VPS13B: variants seen among roughly 807,000 people sequenced by gnomAD.
The protein encoded by VPS13B is vacuolar protein sorting 13 homolog B.
VPS13B carries 285 observed loss-of-function variants against 426.4 expected under a neutral mutation model. The observed-to-expected ratio is 0.67, with a 90% CI of 0.61 to 0.74. The LOEUF (loss-of-function observed/expected upper bound fraction) is 0.74, where lower values mean the gene tolerates loss of function less well. VPS13B is among the 30% of genes least tolerant of loss of function. VPS13B has a pLI of 0.00. For missense variants in VPS13B, 4,537 were observed against 4,782.6 expected (o/e 0.95, Z 1.51); for synonymous variants, 1,676 against 1,676.4 (o/e 1.00, Z 0.01).
intron 17 of VPS13B, chr8:99,234,134 C>T (rs961445430): frequency 2.2e-5 from 17 of 785,230 alleles, no homozygotes; most frequent in African/African-American, 1.4e-4. Context: ...ACCCTGGGCT[C>T]GCTGAGGGGG....
At chr8:99,529,148 A>G (rs1822796852) in intron 30 of VPS13B, among the ~76,000 whole-genome samples, 1 of 152,176 alleles carries the variant, frequency 6.6e-6, no homozygotes, top group Admixed American at 6.5e-5. Flanking sequence ...TTAAAAAATC[A>G]ACACCAAAGT....
At chr8:99,035,972 C>T (rs1244798111) in intron 2 of VPS13B, among the ~76,000 whole-genome samples, 2 of 151,792 alleles carry the variant, frequency 1.3e-5, no homozygotes, top group Non-Finnish European at 2.9e-5. Flanking sequence ...GGCTTCAATT[C>T]CTTTGTCCAT....
At position 99,877,222 on chromosome 8, in the gene VPS13B, A is replaced by C. The variant is rs1817735941; in HGVS notation, c.*1556A>C. The C allele has an allele frequency of 6.6e-6, 1 of 152,506 alleles. No individual in the cohort carries two copies. The highest frequency in any genetic ancestry group is 2.1e-4 in the South Asian group (1 of 4,836). 9.4% of individuals were successfully genotyped at this position (152,506 alleles called of 1,614,324 possible). A position where few individuals can be genotyped will look rare whatever the true frequency, so the allele number is the denominator to read the frequency against. ...AAGTCACTATATAATTGTTACTGGA[A>C]AGCAAGACTTAACGAACAATTCTGA... On this transcript the variant is annotated 3_prime_UTR_variant, in exon 62 of 62. Transcript: ENST00000357162.
At chr8:99,298,887 G>C (rs1820186739) in intron 19 of VPS13B, among the ~76,000 whole-genome samples, 1 of 152,168 alleles carries the variant, frequency 6.6e-6, no homozygotes, top group African/African-American at 2.4e-5. Flanking sequence ...GGAATATGAA[G>C]AGCTAGCACA....
rs1181584239 is a variant in VPS13B at position 99,662,613 on chromosome 8, G to GT, written c.6046+1130dup. On this transcript the variant is annotated intron_variant, in intron 35 of 61. Transcript: ENST00000357162. ...AGGTGTGTGCCACCACGCCCAACTA[G>GT]TTTTTTTTATTTTTAGTAGAGATGA... 5.3e-5 allele frequency among the ~76,000 whole-genome samples: 8 copies of GT among 151,686 alleles called. No homozygotes were observed. The East Asian group carries it at 1.2e-3, about 22-fold the overall frequency.
intron 30 of VPS13B, among the ~76,000 whole-genome samples, chr8:99,540,261 A>G (rs1241572288): frequency 6.7e-6 from 1 of 149,600 alleles, no homozygotes; most frequent in Non-Finnish European, 1.5e-5. Flanking sequence ...TTGTATTTTT[A>G]GTAGAGATGG....
chr8:99,534,767 T>C (rs1011401620), intron 30 of VPS13B, among the ~76,000 whole-genome samples: 2 of 152,164 alleles, frequency 1.3e-5, no homozygotes, highest in African/African-American at 4.8e-5. Context: ...CTGTCTTAAG[T>C]GTCTGATGTA....
At chr8:99,389,016 G>A (rs1278916402) in intron 20 of VPS13B, among the ~76,000 whole-genome samples, 1 of 152,142 alleles carries the variant, frequency 6.6e-6, no homozygotes, top group Non-Finnish European at 1.5e-5. Context: ...GGGCGCAGTG[G>A]CAGGTGCCTG....
chr8:99,721,126 ATACT>A (rs933284411), intron 39 of VPS13B, 79 bp downstream of exon 39: 6 of 1,435,108 alleles, frequency 4.2e-6, no homozygotes, highest in Admixed American at 3.3e-5. Flanking sequence ...TGTTTGGAAC[ATACT>A]TACTTCTTAC....
chr8:99,039,645 A>G (rs1357548361), intron 3 of VPS13B, among the ~76,000 whole-genome samples: 1 of 151,942 alleles, frequency 6.6e-6, no homozygotes, highest in East Asian at 1.9e-4. Flanking sequence ...AAATGACTTC[A>G]TATGAATCTG....
At chr8:99,187,044 A>G (rs1813256842) in intron 16 of VPS13B, among the ~76,000 whole-genome samples, 1 of 152,206 alleles carries the variant, frequency 6.6e-6, no homozygotes, top group Non-Finnish European at 1.5e-5. Context: ...TTGCCATACA[A>G]ATACTTACTG....
intron 3 of VPS13B, among the ~76,000 whole-genome samples, chr8:99,082,470 C>T (rs370849181): frequency 6.6e-6 from 1 of 152,084 alleles, no homozygotes; most frequent in South Asian, 2.1e-4. Flanking sequence ...AGTTTAATTA[C>T]ATCCCATTTG....
At chr8:99,776,406 A>C (rs1053371293) in intron 40 of VPS13B, among the ~76,000 whole-genome samples, 2 of 152,150 alleles carry the variant, frequency 1.3e-5, no homozygotes, top group African/African-American at 4.8e-5. Flanking sequence ...GTGCTTAAGC[A>C]ATTCTCCCAC....
chr8:99,148,051 T>A, intron 14 of VPS13B, 41 bp downstream of exon 14: 1 of 1,574,890 alleles, frequency 6.3e-7, no homozygotes, highest in Non-Finnish European at 8.6e-7. Flanking sequence ...CCCTCATATA[T>A]GGATTTTTTT....
At chr8:99,469,267 C>A (rs1216343956) in intron 24 of VPS13B, among the ~76,000 whole-genome samples, 2 of 150,110 alleles carry the variant, frequency 1.3e-5, no homozygotes, top group East Asian at 2.0e-4. Context: ...CTCCTAGGTT[C>A]AAGCAGTCAT....
chr8:99,343,651 A>G (rs774387825), intron 19 of VPS13B, among the ~76,000 whole-genome samples: 16 of 152,228 alleles, frequency 1.1e-4, no homozygotes, highest in Non-Finnish European at 2.1e-4. Context: ...CTAATAACAA[A>G]CTATCCGAAA....
At chr8:99,556,791 T>C (rs1824596598) in intron 31 of VPS13B, 138 bp downstream of exon 31, 1 of 967,140 alleles carries the variant, frequency 1.0e-6, no homozygotes. Flanking sequence ...ATAAAAAATA[T>C]TTTGTAATTG....
rs1417874262 is a variant in VPS13B at position 99,875,847 on chromosome 8, C to T, written c.*181C>T. 20 of 720,390 alleles carry T rather than the reference C, an allele frequency of 2.8e-5. No individual in the cohort carries two copies. Among genetic ancestry groups the T allele is most frequent in the Admixed American group, 5.7e-5 (2 of 35,340 alleles). The allele number at this position is 720,390 out of a possible 1,614,324, so 44.6% of individuals were successfully genotyped here. Reference sequence around the variant, plus strand: ...CACCATAAAGGGCTGCATTTTGCCACCATAAAGGGCTGCATTTTTTTAAAA... The same window carrying T: ...CACCATAAAGGGCTGCATTTTGCCATCATAAAGGGCTGCATTTTTTTAAAA... On this transcript the variant is annotated 3_prime_UTR_variant, in exon 62 of 62. Coordinates refer to ENST00000357162, the MANE Select transcript of VPS13B (RefSeq NM_152564.5).
chr8:99,487,590 G>A lies in VPS13B; in HGVS notation c.3870+5788G>A, dbSNP rs189198395. 9.2e-5 allele frequency among the ~76,000 whole-genome samples: 14 copies of A among 152,052 alleles called. No homozygotes were observed. The East Asian group carries it at 1.7e-3, about 19-fold the overall frequency. Reference sequence around the variant, plus strand: ...CCCAGACAGAATCTCTATCCCCATCGAACAACTCTATCTTCTCCTCTCCCT... The same window carrying A: ...CCCAGACAGAATCTCTATCCCCATCAAACAACTCTATCTTCTCCTCTCCCT... On this transcript the variant is annotated intron_variant, in intron 25 of 61. Coordinates refer to ENST00000357162, the MANE Select transcript of VPS13B (RefSeq NM_152564.5).
Sources: allele counts gnomAD v4.1 joint callset (sites outside exome capture counted in the v4.1 genomes callset), GRCh38; gene constraint gnomAD v4.1.1; transcripts MANE v1.5; gene names NCBI Gene and HGNC (gene_info 2026-07-23, HGNC 2026-07-21).